The following UGT1A6 variants were observed in gnomAD, a reference collection of about 807,000 sequenced individuals.
The protein encoded by UGT1A6 is UDP glucuronosyltransferase family 1 member A6.
Under a neutral mutation model 44.4 loss-of-function variants are expected in UGT1A6, and 32 were observed. The observed-to-expected ratio is 0.72, with a 90% CI of 0.54 to 0.97. The LOEUF (loss-of-function observed/expected upper bound fraction) is 0.97, where lower values mean the gene tolerates loss of function less well. UGT1A6 is among the 50% of genes least tolerant of loss of function. The pLI is 0.00. For synonymous variants in UGT1A6, 238 were observed against 248.5 expected (o/e 0.96, Z 0.40); for missense variants, 685 against 661.9 (o/e 1.03, Z -0.38).
In UGT1A6 at chr2:233,743,654, T is replaced by A. The variant is rs777818492; in HGVS notation, c.862-23380T>A. The A allele has an allele frequency of 2.2e-6, 3 of 1,367,166 alleles. No homozygotes were observed. In the East Asian group the frequency reaches 1.4e-4, roughly 62 times the overall value. 84.7% of individuals were successfully genotyped at this position (1,367,166 alleles called of 1,614,324 possible). A position where few individuals can be genotyped will look rare whatever the true frequency, so the allele number is the denominator to read the frequency against. ...TGGGTCGCGGAAGCTGAAGACGTAC[T>A]CGAAGGGGTCCTCGAAGGGCCTGCC... is the stretch of plus-strand genomic sequence containing the variant. On this transcript the variant is annotated intron_variant, in intron 1 of 4. Transcript: ENST00000305139.
chr2:233,754,587 G>A (rs1339334824), intron 1 of UGT1A6: 1 of 428,154 alleles, frequency 2.3e-6, no homozygotes, highest in Non-Finnish European at 4.7e-6. Flanking sequence ...CGTTTATTAT[G>A]AAGGACTTTA....
intron 1 of UGT1A6, chr2:233,729,462 A>G: frequency 2.5e-6 from 4 of 1,614,130 alleles, no homozygotes; most frequent in Non-Finnish European, 3.4e-6. Flanking sequence ...AATTTTTCAG[A>G]AGTATGGCAA....
chr2:233,749,046 C>T (rs1190467042), intron 1 of UGT1A6, among the ~76,000 whole-genome samples: 1 of 151,734 alleles, frequency 6.6e-6, no homozygotes, highest in Non-Finnish European at 1.5e-5. Flanking sequence ...ATGTGGTACT[C>T]TGGGACCTGA....
chr2:233,756,969 C>G (rs1044581590), intron 1 of UGT1A6, among the ~76,000 whole-genome samples: 1 of 151,840 alleles, frequency 6.6e-6, no homozygotes, highest in East Asian at 1.9e-4. Flanking sequence ...TTGGTAAGCA[C>G]GCAATGAACA....
intron 1 of UGT1A6, chr2:233,760,398 C>T (rs1018382617): frequency 6.2e-7 from 1 of 1,614,186 alleles, no homozygotes; most frequent in Non-Finnish European, 8.5e-7. Flanking sequence ...CAGTGGATGG[C>T]AGCCACTGGC....
chr2:233,751,406 G>T (rs1694719923), intron 1 of UGT1A6, among the ~76,000 whole-genome samples: 1 of 152,120 alleles, frequency 6.6e-6, no homozygotes, highest in South Asian at 2.1e-4. Context: ...TTTGGACTAT[G>T]GACTTTTGAG....
At chr2:233,752,528 TC>T (rs1436450769) in intron 1 of UGT1A6, 1 of 152,210 alleles carries the variant, frequency 6.6e-6, no homozygotes, top group African/African-American at 2.4e-5. Context: ...TTCTAAAAAT[TC>T]TTTAAATAAA....
chr2:233,760,450 C>CA lies in UGT1A6; in HGVS notation c.862-6583dup. On this transcript the variant is annotated intron_variant, in intron 1 of 4. Coordinates refer to ENST00000305139, the MANE Select transcript of UGT1A6 (RefSeq NM_001072.4). ...CATCCAGCAGCTGCAGCAGAGGGGA[C>CA]ATGAAATAGTTGTCCTAGCACCTGA... 1.2e-6 allele frequency: 2 copies of CA among 1,614,202 alleles called. No individual in the cohort carries two copies. The highest frequency in any genetic ancestry group is 1.7e-6 in the Non-Finnish European group (2 of 1,180,036).
chr2:233,772,386 G>A lies in UGT1A6; in HGVS notation c.1426G>A (p.Ala476Thr), dbSNP rs765612353. 2.0e-5 allele frequency: 33 copies of A among 1,614,110 alleles called. No homozygotes were observed. Among genetic ancestry groups the A allele is most frequent in the Middle Eastern group, 1.6e-4 (1 of 6,084 alleles). ...CAAGGGCGCGCCACACCTGCGCCCC[G>A]CAGCCCACGACCTCACCTGGTACCA... The part of the protein sequence containing the change: ...RHKGAPHLRP[A>T]AHDLTWYQYH... Residue 476 changes from alanine to threonine, a missense_variant, in exon 5 of 5, where the codon GCA becomes ACA. Coordinates refer to ENST00000305139, the MANE Select transcript of UGT1A6 (RefSeq NM_001072.4).
intron 1 of UGT1A6, among the ~76,000 whole-genome samples, chr2:233,704,787 A>G (rs1316884961): frequency 6.6e-6 from 1 of 152,096 alleles, no homozygotes; most frequent in Non-Finnish European, 1.5e-5. Context: ...TATAGTCCCA[A>G]CAATATAATT....
At chr2:233,751,514 C>T (rs1694746384) in intron 1 of UGT1A6, among the ~76,000 whole-genome samples, 1 of 152,154 alleles carries the variant, frequency 6.6e-6, no homozygotes, top group Non-Finnish European at 1.5e-5. Context: ...GGCCAGAGGG[C>T]AGAATGATAT....
chr2:233,769,746 T>G lies in UGT1A6; in HGVS notation c.1301+1307T>G. On this transcript the variant is annotated intron_variant, in intron 4 of 4. Coordinates refer to ENST00000305139, the MANE Select transcript of UGT1A6 (RefSeq NM_001072.4). The surrounding 1 kb of genome is among the most constrained non-coding windows in gnomAD (Gnocchi z 4.4). ...GGCACACGCCTGTAGTCCCAGCCAC[T>G]CTGGAGGCTAAGGCGGGAGGATTGC... 6.9e-7 allele frequency: 1 copy of G among 1,441,832 alleles called. No homozygotes were observed. The highest frequency in any genetic ancestry group is 9.1e-7 in the Non-Finnish European group (1 of 1,095,648). The allele number at this position is 1,441,832 out of a possible 1,614,324, so 89.3% of individuals were successfully genotyped here.
At chr2:233,738,244 T>C (rs1690738157) in intron 1 of UGT1A6, among the ~76,000 whole-genome samples, 1 of 152,224 alleles carries the variant, frequency 6.6e-6, no homozygotes, top group Non-Finnish European at 1.5e-5. Context: ...TCCAGCCACA[T>C]GGAACTGGAG....
At chr2:233,717,386 C>T (rs759361216) in intron 1 of UGT1A6, among the ~76,000 whole-genome samples, 3 of 152,252 alleles carry the variant, frequency 2.0e-5, no homozygotes, top group African/African-American at 7.2e-5. Context: ...GACCTGCCCT[C>T]TCTGTGCCAT....
intron 1 of UGT1A6, among the ~76,000 whole-genome samples, chr2:233,710,168 A>G (rs2076115699): frequency 6.6e-6 from 1 of 152,116 alleles, no homozygotes; most frequent in South Asian, 2.1e-4. Context: ...TTATGCATTT[A>G]TTTATTGATG....
At position 233,772,362 on chromosome 2, in the gene UGT1A6, A is replaced by C. The variant is rs1400939614; in HGVS notation, c.1402A>C (p.Lys468Gln). 6.2e-7 allele frequency: 1 copy of C among 1,614,242 alleles called. No individual in the cohort carries two copies. The highest frequency in any genetic ancestry group is 2.2e-5 in the East Asian group (1 of 44,878). Reference sequence around the variant, plus strand: ...CTGGGTGGAGTTTGTGATGAGGCACAAGGGCGCGCCACACCTGCGCCCCGC... The same window carrying C: ...CTGGGTGGAGTTTGTGATGAGGCACCAGGGCGCGCCACACCTGCGCCCCGC... ...VFWVEFVMRH[K>Q]GAPHLRPAAH... The change falls in exon 5 of 5, where the codon AAG (lysine) becomes CAG (glutamine). Residue 468 changes from lysine to glutamine, a missense_variant. Physicochemically the swap from Lys to Gln is moderately conservative, Grantham distance 53. Coordinates refer to ENST00000305139, the MANE Select transcript of UGT1A6 (RefSeq NM_001072.4).
At chr2:233,713,830 A>G (rs1248419431) in intron 1 of UGT1A6, 3 of 1,613,954 alleles carry the variant, frequency 1.9e-6, no homozygotes, top group African/African-American at 1.3e-5. Context: ...GGGGGCATCA[A>G]CTGTGCCAAC....
intron 1 of UGT1A6, among the ~76,000 whole-genome samples, chr2:233,699,014 G>A (rs2075477685): frequency 6.6e-6 from 1 of 152,222 alleles, no homozygotes; most frequent in Non-Finnish European, 1.5e-5. Flanking sequence ...AACATGAGAG[G>A]CTGAGCCACC....
Position 233,754,885 on chromosome 2 carries a change from A to G in UGT1A6, c.862-12149A>G, listed in dbSNP as rs750655652. Reference sequence around the variant, plus strand: ...GACCCTCTGCTTCTGCTTCCCAGGGAGTTCCTCTGACCCCCCAAAATATTC... The same window carrying G: ...GACCCTCTGCTTCTGCTTCCCAGGGGGTTCCTCTGACCCCCCAAAATATTC... On this transcript the variant is annotated intron_variant, in intron 1 of 4. Coordinates refer to ENST00000305139, the MANE Select transcript of UGT1A6 (RefSeq NM_001072.4). The G allele has an allele frequency of 3.0e-6, 4 of 1,350,732 alleles. No individual in the cohort carries two copies. In the African/African-American group the frequency reaches 5.9e-5, roughly 20 times the overall value. 83.7% of individuals were successfully genotyped at this position (1,350,732 alleles called of 1,614,324 possible). A position where few individuals can be genotyped will look rare whatever the true frequency, so the allele number is the denominator to read the frequency against.
Sources: gnomAD v4.1 joint callset for allele counts (sites outside exome capture counted in the v4.1 genomes callset) on GRCh38, gnomAD v4.1.1 for gene constraint, Gnocchi (gnomAD v3.1) non-coding constraint, MANE v1.5 for transcripts, NCBI Gene and HGNC (gene_info 2026-07-23, HGNC 2026-07-21) for gene names.